SMARCA4: variants seen among roughly 807,000 people sequenced by gnomAD.
SMARCA4 encodes SWI/SNF related BAF chromatin remodeling complex subunit ATPase 4.
SMARCA4 carries 31 observed loss-of-function variants against 193.9 expected under a neutral mutation model. The observed-to-expected ratio is 0.16, with a 90% CI of 0.12 to 0.22. The LOEUF is 0.22. Ranked by LOEUF, SMARCA4 falls within the 10% of genes least tolerant of loss-of-function variation. The pLI, the probability that SMARCA4 is intolerant of heterozygous loss-of-function variation, is 1.00. For missense variants in SMARCA4, 1,148 were observed against 2,296.0 expected (o/e 0.50, Z 10.22); for synonymous variants, 942 against 933.1 (o/e 1.01, Z -0.17).
rs539931405 is a variant in SMARCA4, at chr19:10,984,519, G to A, written c.222+146G>A. ...CCTTGGCTCAGCCCCCTACCCCAGGGCCCACGGCCATGAACAGAAGGTTCA... is the reference window on the plus strand; with the variant it reads ...CCTTGGCTCAGCCCCCTACCCCAGGACCCACGGCCATGAACAGAAGGTTCA... On this transcript the variant is annotated intron_variant, in intron 2 of 34. Transcript: ENST00000344626. This position sits in a 1 kb window ranked among gnomAD's most constrained non-coding sequence, Gnocchi z 4.3. 2 of 1,412,902 alleles carry A rather than the reference G, an allele frequency of 1.4e-6. No homozygotes were observed. The highest frequency in any genetic ancestry group is 1.4e-5 in the African/African-American group (1 of 70,366). The allele number at this position is 1,412,902 out of a possible 1,614,324, so 87.5% of individuals were successfully genotyped here.
rs2147098029 is a variant in SMARCA4 at position 11,058,840 on chromosome 19, T to C, written c.4586T>C (p.Val1529Ala). 6.2e-7 allele frequency: 1 copy of C among 1,614,124 alleles called. No individual in the cohort carries two copies. The highest frequency in any genetic ancestry group is 8.5e-7 in the Non-Finnish European group (1 of 1,180,010). Residue 1529 changes from valine (V) to alanine (A), a missense_variant, in exon 32 of 35, where the codon GTC (valine) becomes GCC (alanine). This residue lies in a region of SMARCA4 where 141 missense variants were observed against 193.0 expected (regional missense o/e 0.73). Coordinates refer to ENST00000344626, the MANE Select transcript of SMARCA4 (RefSeq NM_003072.5). The surrounding 1 kb of genome is among the most constrained non-coding windows in gnomAD (Gnocchi z 5.8). Reference sequence around the variant, plus strand: ...AGCCTCAACGACCTAGAGAAGGACGTCATGCTCCTGTGCCAGAACGCACAG... The same window carrying C: ...AGCCTCAACGACCTAGAGAAGGACGCCATGCTCCTGTGCCAGAACGCACAG... ...YRSLNDLEKD[V>A]MLLCQNAQTF...
chr19:11,013,241 A>G (rs1204191668), intron 16 of SMARCA4, 129 bp downstream of exon 16: 2 of 1,035,818 alleles, frequency 1.9e-6, no homozygotes, highest in African/African-American at 3.2e-5. Context: ...CCTGGAGGCC[A>G]GAAGTCCAGG....
At chr19:11,013,184 C>T (rs2146284887) in intron 16 of SMARCA4, 72 bp downstream of exon 16, 1 of 1,522,238 alleles carries the variant, frequency 6.6e-7, no homozygotes, top group East Asian at 2.3e-5. Flanking sequence ...AAGTTTGCCG[C>T]AGTAGAATAC....
At position 11,034,646 on chromosome 19, in the gene SMARCA4, C is replaced by G. The variant is rs2075151613; in HGVS notation, c.3952-268C>G. On this transcript the variant is annotated intron_variant, in intron 28 of 34. Transcript: ENST00000344626. The surrounding 1 kb of genome is among the most constrained non-coding windows in gnomAD (Gnocchi z 7.0). ...CCACCAACGCTGGGCCACGCAGCTGCTGCCCCCCTGCTGGGGTCTGCAGCC... is the reference window on the plus strand; with the variant it reads ...CCACCAACGCTGGGCCACGCAGCTGGTGCCCCCCTGCTGGGGTCTGCAGCC... 6.6e-6 allele frequency among the ~76,000 whole-genome samples: 1 copy of G among 152,202 alleles called. No homozygotes were observed. Among genetic ancestry groups the G allele is most frequent in the Non-Finnish European group, 1.5e-5 (1 of 68,030 alleles).
intron 24 of SMARCA4, among the ~76,000 whole-genome samples, chr19:11,028,492 C>T (rs552692550): frequency 2.6e-5 from 4 of 152,332 alleles, no homozygotes; most frequent in African/African-American, 9.6e-5. Flanking sequence ...CTGGGCCATT[C>T]GTAGCAGCCC....
intron 13 of SMARCA4, among the ~76,000 whole-genome samples, chr19:11,005,129 C>G (rs184309030): frequency 3.3e-5 from 5 of 152,320 alleles, no homozygotes; most frequent in Non-Finnish European, 7.4e-5. Context: ...AGCCACCACG[C>G]CTGGCCTCTC....
chr19:11,044,536 C>T (rs752210307), intron 30 of SMARCA4, among the ~76,000 whole-genome samples: 4 of 152,144 alleles, frequency 2.6e-5, no homozygotes, highest in East Asian at 3.8e-4. Flanking sequence ...AAGGTGCTCA[C>T]GTCATTGCAT....
chr19:11,010,835 G>A, intron 15 of SMARCA4: 5 of 429,700 alleles, frequency 1.2e-5, no homozygotes, highest in Non-Finnish European at 2.2e-5. Flanking sequence ...CACCTGAGGA[G>A]CAGAGAGGTG....
intron 30 of SMARCA4, among the ~76,000 whole-genome samples, chr19:11,056,980 G>T (rs1348069603): frequency 6.6e-6 from 1 of 152,262 alleles, no homozygotes; most frequent in African/African-American, 2.4e-5. Flanking sequence ...GCATGGGCGG[G>T]CTGCCCTGCC....
Position 10,986,045 on chromosome 19 carries a change from C to A in SMARCA4, c.356-144C>A. 1.3e-6 allele frequency: 1 copy of A among 748,226 alleles called. No homozygotes were observed. Among genetic ancestry groups the A allele is most frequent in the East Asian group, 2.6e-5 (1 of 37,842 alleles). 46.3% of individuals were successfully genotyped at this position (748,226 alleles called of 1,614,324 possible). ...GGCTGAGGTGCCTTCAGCATGTGCC[C>A]TCCAGGTGCCCCTGGTTGACTCAAG... On this transcript the variant is annotated intron_variant, in intron 3 of 34. Coordinates refer to ENST00000344626, the MANE Select transcript of SMARCA4 (RefSeq NM_003072.5). This position sits in a 1 kb window ranked among gnomAD's most constrained non-coding sequence, Gnocchi z 6.7.
chr19:11,021,677 G>A (rs749104337), intron 18 of SMARCA4, 48 bp from the exon 19 acceptor site: 26 of 1,571,032 alleles, frequency 1.7e-5, no homozygotes, highest in South Asian at 1.5e-4. Flanking sequence ...CCCATGTGCC[G>A]GGCCACCTGC....
At chr19:10,983,200 T>C (rs75826178) in intron 1 of SMARCA4, among the ~76,000 whole-genome samples, 5,671 of 152,280 alleles carry the variant, frequency 0.037, 153 homozygotes, top group African/African-American at 0.049. Flanking sequence ...CCCATTTGTC[T>C]CTGGGTGGTT....
At chr19:10,964,963 G>C (rs1342237779) in intron 1 of SMARCA4, among the ~76,000 whole-genome samples, 1 of 152,124 alleles carries the variant, frequency 6.6e-6, no homozygotes, top group East Asian at 1.9e-4. Flanking sequence ...TGAGGCCTAG[G>C]GTTATTTTCT....
chr19:10,961,835 TTTGCTGTGTAAAAGCA>T (rs2083833291), intron 1 of SMARCA4: 2 of 152,216 alleles, frequency 1.3e-5, no homozygotes, highest in Admixed American at 6.6e-5. Flanking sequence ...GAGGAAATCC[TTTGCTGTGTAAAAGCA>T]TTGCTTTTCT....
chr19:11,059,055 A>C (rs950627964), intron 32 of SMARCA4, 166 bp downstream of exon 32: 5 of 632,412 alleles, frequency 7.9e-6, no homozygotes, highest in Admixed American at 6.9e-5. Context: ...CGGGAGGATC[A>C]CTTGAGACCA....
At chr19:11,003,530 C>A in intron 13 of SMARCA4, 133 bp downstream of exon 13, 1 of 826,378 alleles carries the variant, frequency 1.2e-6, no homozygotes. Flanking sequence ...CAGGCCTGCC[C>A]GAAGTCGGTG....
chr19:11,017,701 C>T (rs1471486479), intron 16 of SMARCA4, among the ~76,000 whole-genome samples: 1 of 152,250 alleles, frequency 6.6e-6, no homozygotes, highest in Non-Finnish European at 1.5e-5. Context: ...CTGACTGTCC[C>T]CATCACTCCA....
Position 11,019,335 on chromosome 19 carries a change from C to A in SMARCA4, c.2506-256C>A. 1 of 604,040 alleles carries A rather than the reference C, an allele frequency of 1.7e-6. No homozygotes were observed. Among genetic ancestry groups the A allele is most frequent in the Non-Finnish European group, 3.0e-6 (1 of 338,650 alleles). 37.4% of individuals were successfully genotyped at this position (604,040 alleles called of 1,614,324 possible). A position where few individuals can be genotyped will look rare whatever the true frequency, so the allele number is the denominator to read the frequency against. ...TCAGCCACCAGGAATGTGCAGATGG[C>A]GGTGCAGGCTGCGTGGTTCCCTCAG... is the stretch of plus-strand genomic sequence containing the variant. On this transcript the variant is annotated intron_variant, in intron 17 of 34. Coordinates refer to ENST00000344626, the MANE Select transcript of SMARCA4 (RefSeq NM_003072.5). The surrounding 1 kb of genome is among the most constrained non-coding windows in gnomAD (Gnocchi z 6.1).
rs752139419 is a variant in SMARCA4 at position 10,986,442 on chromosome 19, G to A, written c.609G>A (p.Ala203=). 3.2e-6 allele frequency: 5 copies of A among 1,567,630 alleles called. No individual in the cohort carries two copies. The highest frequency in any genetic ancestry group is 1.7e-4 in the Middle Eastern group (1 of 6,010). Residue 203 remains alanine (A), a synonymous_variant, in exon 4 of 35, where the codon GCG becomes GCA. Coordinates refer to ENST00000344626, the MANE Select transcript of SMARCA4 (RefSeq NM_003072.5). The surrounding 1 kb of genome is among the most constrained non-coding windows in gnomAD (Gnocchi z 6.7). ...CCCTCCCCGACCACCTGCAGATGGC[G>A]GTGCAGGGCAAGCGGCCGATGCCCG... The part of the protein sequence containing the change: ...GQPLPDHLQM[A]VQGKRPMPGM...
Sources: gnomAD v4.1 joint callset for allele counts (sites outside exome capture counted in the v4.1 genomes callset) on GRCh38, gnomAD v4.1.1 for gene constraint, gnomAD v4.1.1 regional missense constraint, Gnocchi (gnomAD v3.1) non-coding constraint, MANE v1.5 for transcripts, NCBI Gene and HGNC (gene_info 2026-07-23, HGNC 2026-07-21) for gene names.